SH3BGRL2: variants seen among roughly 807,000 people sequenced by gnomAD.
The protein encoded by SH3BGRL2 is SH3 domain-binding glutamic acid-rich-like protein 2.
SH3BGRL2 carries 21 observed loss-of-function variants against 14.8 expected under a neutral mutation model. That is an observed-to-expected ratio of 1.42 (90% CI 1.01 to 2.05). SH3BGRL2 has a LOEUF of 2.05. Among genes scored for constraint, SH3BGRL2 ranks in the 30% most tolerant of loss-of-function variants. The pLI is 0.00. For missense variants in SH3BGRL2, 147 were observed against 130.8 expected, an observed-to-expected ratio of 1.12 and a Z score of -0.61; for synonymous variants, 50 against 47.8, an observed-to-expected ratio of 1.05 and a Z score of -0.19.
At chr6:79,638,622 C>A (rs1173344305) in intron 1 of SH3BGRL2, among the ~76,000 whole-genome samples, 2 of 151,906 alleles carry the variant, frequency 1.3e-5, no homozygotes, top group African/African-American at 4.8e-5. Flanking sequence ...TTACTTGGGG[C>A]CTTTTCGATA....
intron 1 of SH3BGRL2, among the ~76,000 whole-genome samples, chr6:79,659,813 T>A (rs530500431): frequency 6.6e-6 from 1 of 152,270 alleles, no homozygotes; most frequent in African/African-American, 2.4e-5. Context: ...CTCTTATTTC[T>A]TTGAGCAGTG....
Position 79,700,734 on chromosome 6 carries a change from C to T in SH3BGRL2, c.*1225C>T, listed in dbSNP as rs1041084191. ...TATTGGAGTGGATGCTGATGAACATCGAACATATCTACTTCATTAGAGCAG... is the reference window on the plus strand; with the variant it reads ...TATTGGAGTGGATGCTGATGAACATTGAACATATCTACTTCATTAGAGCAG... On this transcript the variant is annotated 3_prime_UTR_variant, in exon 4 of 4. Transcript: ENST00000369838. 1 of 152,110 alleles carries T rather than the reference C, an allele frequency of 6.6e-6. No individual in the cohort carries two copies. Among genetic ancestry groups the T allele is most frequent in the African/African-American group, 2.4e-5 (1 of 41,440 alleles). 9.4% of individuals were successfully genotyped at this position (152,110 alleles called of 1,614,324 possible). A position where few individuals can be genotyped will look rare whatever the true frequency, so the allele number is the denominator to read the frequency against.
the SH3BGRL2 span, among the ~76,000 whole-genome samples, chr6:79,558,258 C>T: frequency 6.6e-6 from 1 of 152,030 alleles, no homozygotes; most frequent in Non-Finnish European, 1.5e-5. Flanking sequence ...GGAGACAGCA[C>T]AGTTAGGGCA....
At chr6:79,653,954 A>G (rs142492284) in intron 1 of SH3BGRL2, among the ~76,000 whole-genome samples, 3 of 152,198 alleles carry the variant, frequency 2.0e-5, no homozygotes, top group Admixed American at 6.5e-5. Flanking sequence ...TATTCTGTTT[A>G]TATCAGTCTT....
intron 1 of SH3BGRL2, among the ~76,000 whole-genome samples, chr6:79,640,142 G>A (rs1769002025): frequency 6.6e-6 from 1 of 152,098 alleles, no homozygotes; most frequent in African/African-American, 2.4e-5. Flanking sequence ...GAGGAGTAGG[G>A]CAGGAGGGGA....
chr6:79,633,590 C>CCA (rs758008932), intron 1 of SH3BGRL2, among the ~76,000 whole-genome samples: 74 of 152,228 alleles, frequency 4.9e-4, no homozygotes, highest in Non-Finnish European at 8.7e-4. Context: ...TACACAGTTA[C>CCA]CACATGCTTA....
At chr6:79,556,476 C>G in the SH3BGRL2 span, among the ~76,000 whole-genome samples, 1 of 151,980 alleles carries the variant, frequency 6.6e-6, no homozygotes, top group South Asian at 2.1e-4. Flanking sequence ...TCTTTTATTT[C>G]TCCAATTGTT....
chr6:79,570,136 A>T, the SH3BGRL2 span, among the ~76,000 whole-genome samples: 1 of 152,194 alleles, frequency 6.6e-6, no homozygotes, highest in Non-Finnish European at 1.5e-5. Context: ...AAATATCTTT[A>T]AGAACATATG....
At chr6:79,620,710 G>A in the SH3BGRL2 span, among the ~76,000 whole-genome samples, 1 of 151,924 alleles carries the variant, frequency 6.6e-6, no homozygotes, top group South Asian at 2.1e-4. Context: ...AAGAGGGAGA[G>A]AAGAGAAGAG....
chr6:79,679,457 G>A (rs1261568859), intron 2 of SH3BGRL2, among the ~76,000 whole-genome samples: 1 of 148,836 alleles, frequency 6.7e-6, no homozygotes, highest in Admixed American at 6.7e-5. Context: ...GGGATTATTT[G>A]TTTTTTGCTT....
intron 2 of SH3BGRL2, 139 bp from the exon 3 acceptor site, chr6:79,696,346 C>A: frequency 1.7e-6 from 1 of 589,270 alleles, no homozygotes; most frequent in Non-Finnish European, 2.9e-6. Flanking sequence ...ACTAATTCAG[C>A]AGATTTATTT....
At chr6:79,579,723 A>C in the SH3BGRL2 span, among the ~76,000 whole-genome samples, 1 of 152,232 alleles carries the variant, frequency 6.6e-6, no homozygotes, top group Non-Finnish European at 1.5e-5. Context: ...CATCGATGCT[A>C]TGAAGAAACC....
At chr6:79,633,378 G>A (rs1332456539) in intron 1 of SH3BGRL2, among the ~76,000 whole-genome samples, 1 of 152,092 alleles carries the variant, frequency 6.6e-6, no homozygotes, top group Admixed American at 6.5e-5. Flanking sequence ...CCTTATAACA[G>A]CTTCTTTTGC....
chr6:79,661,616 G>T (rs942824593), intron 1 of SH3BGRL2, among the ~76,000 whole-genome samples: 1 of 152,152 alleles, frequency 6.6e-6, no homozygotes. Flanking sequence ...TGTTGATTTG[G>T]GGTGAAGAGT....
At chr6:79,589,845 C>T in the SH3BGRL2 span, among the ~76,000 whole-genome samples, 9 of 152,248 alleles carry the variant, frequency 5.9e-5, 1 homozygote, top group East Asian at 5.8e-4. Flanking sequence ...AATCTCAGCT[C>T]GCTGCAGCCT....
At chr6:79,650,924 G>A (rs1003027287) in intron 1 of SH3BGRL2, among the ~76,000 whole-genome samples, 1 of 148,640 alleles carries the variant, frequency 6.7e-6, no homozygotes, top group Non-Finnish European at 1.5e-5. Context: ...TATAAATAAT[G>A]TATAAATATA....
chr6:79,611,009 A>T, the SH3BGRL2 span, among the ~76,000 whole-genome samples: 1 of 152,238 alleles, frequency 6.6e-6, no homozygotes, highest in African/African-American at 2.4e-5. Context: ...GTTTTCCCAC[A>T]TGTAAAAGTA....
the SH3BGRL2 span, among the ~76,000 whole-genome samples, chr6:79,615,832 C>CTTTTTTT: frequency 1.3e-4 from 14 of 109,234 alleles, no homozygotes; most frequent in South Asian, 6.2e-4. Flanking sequence ...TTTTTTCTTT[C>CTTTTTTT]TTTTTTTTTT....
chr6:79,562,756 C>A, the SH3BGRL2 span, among the ~76,000 whole-genome samples: 1 of 152,200 alleles, frequency 6.6e-6, no homozygotes, highest in South Asian at 2.1e-4. Flanking sequence ...TTGTCTTGGA[C>A]CATACATAAA....
Sources: gnomAD v4.1 joint callset for allele counts (sites outside exome capture counted in the v4.1 genomes callset) on GRCh38, gnomAD v4.1.1 for gene constraint, MANE v1.5 for transcripts, NCBI Gene and HGNC (gene_info 2026-07-23, HGNC 2026-07-21) for gene names.